The following SIPA1L2 variants were observed in gnomAD, a reference collection of about 807,000 sequenced individuals.
SIPA1L2 encodes signal-induced proliferation-associated 1-like protein 2.
SIPA1L2 carries 56 observed loss-of-function variants against 163.9 expected under a neutral mutation model. The observed-to-expected ratio is 0.34, with a 90% CI of 0.28 to 0.43. SIPA1L2 has a LOEUF of 0.43. Ranked by LOEUF, SIPA1L2 falls within the 20% of genes least tolerant of loss-of-function variation. The pLI is 1.00. For missense variants in SIPA1L2, 1,974 were observed against 2,193.5 expected (o/e 0.90, Z 2.00); for synonymous variants, 877 against 865.7 (o/e 1.01, Z -0.23).
chr1:232,448,790 C>G (rs540422919), intron 10 of SIPA1L2, among the ~76,000 whole-genome samples: 1 of 152,290 alleles, frequency 6.6e-6, no homozygotes, highest in East Asian at 1.9e-4. Flanking sequence ...AAAGGAGGAA[C>G]AGTAGTTCGG....
intron 1 of SIPA1L2, among the ~76,000 whole-genome samples, chr1:232,594,656 T>C (rs1661153860): frequency 1.3e-5 from 2 of 151,942 alleles, no homozygotes; most frequent in South Asian, 4.1e-4. Context: ...CTTTTTAAGT[T>C]TTTTTTTTAA....
chr1:232,559,582 A>G (rs1238279221), intron 2 of SIPA1L2, among the ~76,000 whole-genome samples: 2 of 152,382 alleles, frequency 1.3e-5, no homozygotes, highest in Non-Finnish European at 2.9e-5. Context: ...TATATGCAGT[A>G]TATCAACAGA....
intron 15 of SIPA1L2, among the ~76,000 whole-genome samples, chr1:232,432,973 TG>T (rs1269890362): frequency 6.6e-6 from 1 of 152,064 alleles, no homozygotes; most frequent in Non-Finnish European, 1.5e-5. Context: ...GAGTAAAAAG[TG>T]CATGAAACAG....
chr1:232,463,085 T>C (rs1008047926), intron 9 of SIPA1L2, among the ~76,000 whole-genome samples: 1 of 152,142 alleles, frequency 6.6e-6, no homozygotes, highest in Admixed American at 6.5e-5. Flanking sequence ...ATGAAAAAAT[T>C]AGTAAGTATT....
intron 15 of SIPA1L2, among the ~76,000 whole-genome samples, chr1:232,436,055 C>T (rs936195301): frequency 3.3e-5 from 5 of 152,172 alleles, no homozygotes; most frequent in African/African-American, 1.2e-4. Context: ...ACACCATATA[C>T]TGATTGGGGC....
At chr1:232,588,688 G>T (rs1660803215) in intron 1 of SIPA1L2, among the ~76,000 whole-genome samples, 1 of 152,128 alleles carries the variant, frequency 6.6e-6, no homozygotes, top group South Asian at 2.1e-4. Context: ...CCTGTGTGAG[G>T]CTAGGTTTTC....
intron 14 of SIPA1L2, among the ~76,000 whole-genome samples, 187 bp downstream of exon 14, chr1:232,441,104 T>C (rs561942784): frequency 2.0e-5 from 3 of 152,376 alleles, no homozygotes; most frequent in Admixed American, 6.5e-5. Flanking sequence ...GCCACTAATT[T>C]GCTGTGCAAC....
rs1255137589 is a variant in SIPA1L2, at chr1:232,514,838, C to T, written c.502G>A (p.Asp168Asn). Residue 168 changes from aspartate (D) to asparagine (N), a missense_variant, in exon 3 of 23, where the codon GAC (aspartate) becomes AAC (asparagine). Physicochemically the swap from Asp to Asn is conservative, Grantham distance 23. Coordinates refer to ENST00000674635, the MANE Select transcript of SIPA1L2 (RefSeq NM_020808.5). The stretch of plus-strand genomic sequence containing the variant: ...TCTAAGACATCTTCGGCATCAATGT[C>T]ACTGATAGTGACATCACTATTGCTC... ...QRSNSDVTIS[D>N]IDAEDVLDQN... The T allele has an allele frequency of 5.0e-6, 8 of 1,614,058 alleles. No homozygotes were observed. The highest frequency in any genetic ancestry group is 5.9e-6 in the Non-Finnish European group (7 of 1,180,052).
chr1:232,427,382 A>G (rs1381299551), intron 17 of SIPA1L2, among the ~76,000 whole-genome samples: 1 of 152,260 alleles, frequency 6.6e-6, no homozygotes, highest in Non-Finnish European at 1.5e-5. Context: ...GGTTAATTGC[A>G]GAATTGTTTT....
intron 1 of SIPA1L2, among the ~76,000 whole-genome samples, chr1:232,587,452 C>T (rs976468245): frequency 3.3e-5 from 5 of 152,156 alleles, no homozygotes; most frequent in Admixed American, 6.5e-5. Context: ...GTATGAACCA[C>T]GGGCCCCTTA....
At chr1:232,561,024 T>A (rs536596691) in intron 2 of SIPA1L2, among the ~76,000 whole-genome samples, 1 of 152,346 alleles carries the variant, frequency 6.6e-6, no homozygotes, top group South Asian at 2.1e-4. Flanking sequence ...CAGACAGATA[T>A]ATTATGACTC....
intron 5 of SIPA1L2, among the ~76,000 whole-genome samples, chr1:232,487,486 A>C (rs1665700725): frequency 6.6e-6 from 1 of 152,180 alleles, no homozygotes; most frequent in Non-Finnish European, 1.5e-5. Flanking sequence ...GTTGGCCTTA[A>C]GAACCAATGA....
rs930698839 is a variant in SIPA1L2 at position 232,629,971 on chromosome 1, C to A, written c.-421G>T. Among the ~76,000 whole-genome samples, 1 of 150,704 alleles carries A rather than the reference C, an allele frequency of 6.6e-6. No individual in the cohort carries two copies. The highest frequency in any genetic ancestry group is 1.5e-5 in the Non-Finnish European group (1 of 67,560). The stretch of plus-strand genomic sequence containing the variant: ...CCCGCCGCTGCCCGGGGCTGCCCAT[C>A]GGCCCGGACTCTCCCCGCGCCGGGC... On this transcript the variant is annotated 5_prime_UTR_variant, in exon 1 of 23. Coordinates refer to ENST00000674635, the MANE Select transcript of SIPA1L2 (RefSeq NM_020808.5).
At chr1:232,585,503 C>T (rs1431693999) in intron 1 of SIPA1L2, among the ~76,000 whole-genome samples, 1 of 152,148 alleles carries the variant, frequency 6.6e-6, no homozygotes, top group East Asian at 1.9e-4. Context: ...GGAAACTGAT[C>T]CAAAGAGAAT....
At chr1:232,401,456 C>T (rs184419982) in intron 22 of SIPA1L2, among the ~76,000 whole-genome samples, 65 of 152,290 alleles carry the variant, frequency 4.3e-4, no homozygotes, top group African/African-American at 1.4e-3. Context: ...CCGCTATCCA[C>T]AAAACTCTTA....
intron 2 of SIPA1L2, among the ~76,000 whole-genome samples, chr1:232,548,844 C>T (rs1020287152): frequency 6.6e-6 from 1 of 152,134 alleles, no homozygotes; most frequent in African/African-American, 2.4e-5. Flanking sequence ...TACGCAAAGA[C>T]ATGAAGGGAG....
intron 2 of SIPA1L2, among the ~76,000 whole-genome samples, chr1:232,525,019 C>T (rs1051846833): frequency 6.6e-6 from 1 of 152,042 alleles, no homozygotes; most frequent in Non-Finnish European, 1.5e-5. Flanking sequence ...TTACACAGAA[C>T]ATATAATATT....
At chr1:232,457,874 G>A (rs1664017499) in intron 10 of SIPA1L2, among the ~76,000 whole-genome samples, 1 of 152,182 alleles carries the variant, frequency 6.6e-6, no homozygotes, top group South Asian at 2.1e-4. Flanking sequence ...GGTTATGAGA[G>A]GTTGTCTCAC....
chr1:232,612,808 G>A (rs898208335), intron 1 of SIPA1L2, among the ~76,000 whole-genome samples: 1 of 152,170 alleles, frequency 6.6e-6, no homozygotes, highest in Non-Finnish European at 1.5e-5. Context: ...TGTTGGGAAG[G>A]CATGATTGGT....
Sources: allele counts gnomAD v4.1 joint callset (sites outside exome capture counted in the v4.1 genomes callset), GRCh38; gene constraint gnomAD v4.1.1; transcripts MANE v1.5; gene names NCBI Gene and HGNC (gene_info 2026-07-23, HGNC 2026-07-21).